COTL1: variants seen among roughly 807,000 people sequenced by gnomAD.
The protein encoded by COTL1 is coactosin-like protein.
Under a neutral mutation model 16.5 loss-of-function variants are expected in COTL1, and 15 were observed. The ratio of observed to expected loss-of-function variants is 0.91; its 90% confidence interval spans 0.61 to 1.40. The LOEUF (loss-of-function observed/expected upper bound fraction) is 1.40. Ranked by LOEUF, COTL1 falls within the 40% of genes most tolerant of loss-of-function variation. The pLI, the probability that COTL1 is intolerant of heterozygous loss-of-function variation, is 0.00. For synonymous variants in COTL1, 112 were observed against 85.3 expected (o/e 1.31, Z -1.73); for missense variants, 220 against 201.5 (o/e 1.09, Z -0.56).
chr16:84,586,014 G>C (rs1041989876), intron 3 of COTL1, among the ~76,000 whole-genome samples: 4 of 152,122 alleles, frequency 2.6e-5, no homozygotes, highest in African/African-American at 9.7e-5. Context: ...GCCCAAAGGC[G>C]TGTGCACGTG....
intron 3 of COTL1, among the ~76,000 whole-genome samples, chr16:84,580,140 G>T (rs1286155275): frequency 2.0e-5 from 3 of 152,242 alleles, no homozygotes; most frequent in African/African-American, 7.2e-5. Context: ...GGGCAGCCAG[G>T]TCACAGCCCG....
chr16:84,601,406 G>A (rs975749317), intron 2 of COTL1, among the ~76,000 whole-genome samples: 1 of 152,208 alleles, frequency 6.6e-6, no homozygotes, highest in African/African-American at 2.4e-5. Flanking sequence ...CTCTGCCTGG[G>A]CAGCTGTGAC....
chr16:84,595,289 C>T (rs1430802704), intron 2 of COTL1: 2 of 152,254 alleles, frequency 1.3e-5, no homozygotes, highest in Non-Finnish European at 2.9e-5. Flanking sequence ...AGATTGCTGA[C>T]AGGCCTGTTT....
chr16:84,578,096 C>T (rs570051555), intron 3 of COTL1, among the ~76,000 whole-genome samples: 2 of 152,262 alleles, frequency 1.3e-5, no homozygotes, highest in South Asian at 2.1e-4. Context: ...CTTTCCCCAC[C>T]GAGTCCAGGC....
intron 2 of COTL1, among the ~76,000 whole-genome samples, chr16:84,597,776 A>C (rs1162732560): frequency 1.3e-5 from 2 of 152,208 alleles, no homozygotes; most frequent in Non-Finnish European, 2.9e-5. Context: ...AAATGACTGC[A>C]TGAAGCAGCT....
At position 84,590,372 on chromosome 16, in the gene COTL1, G is replaced by A; in HGVS notation, c.161-110C>T. On this transcript the variant is annotated intron_variant, in intron 2 of 3. Transcript: ENST00000262428. The surrounding 1 kb of genome is among the most constrained non-coding windows in gnomAD (Gnocchi z 5.5). ...GTGCGCCTGGAGCAGCACAGCAGGA[G>A]ACCGGTGCAGTTCCCTGGGAGCACC... 1 of 1,288,992 alleles carries A rather than the reference G, an allele frequency of 7.8e-7. No individual in the cohort carries two copies. Among genetic ancestry groups the A allele is most frequent in the East Asian group, 2.4e-5 (1 of 42,146 alleles). The allele number at this position is 1,288,992 out of a possible 1,614,324, so 79.8% of individuals were successfully genotyped here.
At chr16:84,578,083 G>A (rs1472897114) in intron 3 of COTL1, among the ~76,000 whole-genome samples, 1 of 151,898 alleles carries the variant, frequency 6.6e-6, no homozygotes, top group African/African-American at 2.4e-5. Context: ...ATTAATCATG[G>A]CACTTTCCCC....
chr16:84,585,168 G>A (rs1007566722), intron 3 of COTL1, among the ~76,000 whole-genome samples: 3 of 151,976 alleles, frequency 2.0e-5, no homozygotes, highest in Admixed American at 2.0e-4. Flanking sequence ...CCATGGTCAG[G>A]CAGGTGGTTA....
intron 3 of COTL1, chr16:84,577,057 G>A (rs1904469154): frequency 6.6e-6 from 1 of 152,196 alleles, no homozygotes; most frequent in Non-Finnish European, 1.5e-5. Flanking sequence ...AATCCCCAAG[G>A]AAGAGGAGCC....
intron 2 of COTL1, among the ~76,000 whole-genome samples, chr16:84,598,692 G>C (rs889725777): frequency 2.7e-4 from 39 of 146,104 alleles, no homozygotes; most frequent in African/African-American, 9.5e-4. Flanking sequence ...CTGGAAGAGA[G>C]AGGGATGGGG....
At chr16:84,594,633 G>A (rs1284099620) in intron 2 of COTL1, 6 of 152,254 alleles carry the variant, frequency 3.9e-5, no homozygotes, top group African/African-American at 1.2e-4. Context: ...CACGGTGAGT[G>A]TGTTTCCATG....
intron 2 of COTL1, among the ~76,000 whole-genome samples, chr16:84,598,617 T>C (rs1905051744): frequency 2.1e-5 from 3 of 145,814 alleles, no homozygotes; most frequent in African/African-American, 5.2e-5. Context: ...CTCTCCCACC[T>C]CCTCCCCATC....
At chr16:84,588,080 AT>A (rs1904776654) in intron 3 of COTL1, among the ~76,000 whole-genome samples, 1 of 152,016 alleles carries the variant, frequency 6.6e-6, no homozygotes, top group South Asian at 2.1e-4. Context: ...CCATATTGTT[AT>A]TTTTTAAATA....
chr16:84,617,338 T>G (rs1409264370), intron 2 of COTL1, among the ~76,000 whole-genome samples, 163 bp downstream of exon 2: 1 of 151,218 alleles, frequency 6.6e-6, no homozygotes, highest in African/African-American at 2.4e-5. Flanking sequence ...GGGAGAAGGT[T>G]TTATGAGGCC....
In COTL1 at chr16:84,578,047, T is replaced by G. The variant is rs548056510; in HGVS notation, c.319-11092A>C. 4.0e-3 allele frequency among the ~76,000 whole-genome samples: 605 copies of G among 152,222 alleles called. 9 individuals carry two copies. Among genetic ancestry groups the G allele is most frequent in the African/African-American group, 0.014 (569 of 41,514 alleles). On this transcript the variant is annotated intron_variant, in intron 3 of 3. Coordinates refer to ENST00000262428, the MANE Select transcript of COTL1 (RefSeq NM_021149.5). ...CAAGTGGGAAACATACTCTCCTCTC[T>G]CCGGTGTCCACAGGAGACATCACAA...
At chr16:84,597,726 C>T (rs749076592) in intron 2 of COTL1, among the ~76,000 whole-genome samples, 1 of 152,162 alleles carries the variant, frequency 6.6e-6, no homozygotes, top group Non-Finnish European at 1.5e-5. Flanking sequence ...AGTTCAGCCC[C>T]CACGCCCTCC....
chr16:84,616,107 A>G (rs987598748), intron 2 of COTL1: 4 of 152,180 alleles, frequency 2.6e-5, no homozygotes, highest in African/African-American at 9.7e-5. Flanking sequence ...TTATCCTCGC[A>G]ACAGCACTGT....
intron 2 of COTL1, among the ~76,000 whole-genome samples, chr16:84,603,489 G>A (rs1233789196): frequency 6.6e-6 from 1 of 152,136 alleles, no homozygotes; most frequent in East Asian, 1.9e-4. Context: ...CCCCCTGGAG[G>A]TCTCCTCATC....
chr16:84,609,809 G>A (rs1447993189), intron 2 of COTL1, among the ~76,000 whole-genome samples: 3 of 152,150 alleles, frequency 2.0e-5, no homozygotes, highest in Admixed American at 6.5e-5. Context: ...CTGCTGCCAC[G>A]TAAAGAAGGA....
Sources: gnomAD v4.1 joint callset for allele counts (sites outside exome capture counted in the v4.1 genomes callset) on GRCh38, gnomAD v4.1.1 for gene constraint, Gnocchi (gnomAD v3.1) non-coding constraint, MANE v1.5 for transcripts, NCBI Gene and HGNC (gene_info 2026-07-23, HGNC 2026-07-21) for gene names.